Variants in PHACTR4 observed in about 807,000 individuals in gnomAD.
PHACTR4 encodes phosphatase and actin regulator 4, also known as protein phosphatase 1, regulatory subunit 124.
A neutral mutation model predicts 72.7 loss-of-function variants in PHACTR4; 51 were observed. The observed-to-expected ratio is 0.70, with a 90% confidence interval of 0.56 to 0.89. The LOEUF (loss-of-function observed/expected upper bound fraction) is 0.89, where lower values mean the gene tolerates loss of function less well. PHACTR4 is among the 40% of genes least tolerant of loss of function. PHACTR4 has a pLI of 0.00. For synonymous variants in PHACTR4, 255 were observed against 302.5 expected, an observed-to-expected ratio of 0.84 and a Z score of 1.63; for missense variants, 731 against 861.8, an observed-to-expected ratio of 0.85 and a Z score of 1.90.
chr1:28,462,421 A>G (rs1223270878), intron 4 of PHACTR4, among the ~76,000 whole-genome samples: 1 of 150,878 alleles, frequency 6.6e-6, no homozygotes, highest in East Asian at 2.0e-4. Context: ...TTTCACCTTC[A>G]GTCTCTTTTG....
intron 1 of PHACTR4, among the ~76,000 whole-genome samples, chr1:28,382,443 A>G (rs947376453): frequency 1.3e-5 from 2 of 151,806 alleles, no homozygotes; most frequent in African/African-American, 4.8e-5. Flanking sequence ...AGCTGGGACT[A>G]CAGGCGCATG....
intron 1 of PHACTR4, among the ~76,000 whole-genome samples, chr1:28,372,048 A>ATTTT (rs761764882): frequency 2.1e-4 from 29 of 137,312 alleles, no homozygotes; most frequent in Admixed American, 2.2e-4. Flanking sequence ...CTCCCGGCTA[A>ATTTT]TTTTTTTTTT....
intron 3 of PHACTR4, among the ~76,000 whole-genome samples, chr1:28,459,703 G>A (rs1441084795): frequency 6.6e-6 from 1 of 152,034 alleles, no homozygotes; most frequent in African/African-American, 2.4e-5. Flanking sequence ...TGGCTGGCCA[G>A]AGTTTAATCT....
chr1:28,427,248 G>A (rs1294676546), intron 2 of PHACTR4, among the ~76,000 whole-genome samples: 2 of 152,070 alleles, frequency 1.3e-5, no homozygotes, highest in Admixed American at 6.6e-5. Flanking sequence ...ATATTTGGCC[G>A]GACGCAGTGG....
chr1:28,491,539 C>T, intron 11 of PHACTR4, 111 bp from the exon 12 acceptor site: 1 of 1,431,112 alleles, frequency 7.0e-7, no homozygotes. Flanking sequence ...GTGTCTAAAG[C>T]TCCCCCAGGT....
chr1:28,456,873 C>T (rs554886461), intron 2 of PHACTR4, among the ~76,000 whole-genome samples: 39 of 151,630 alleles, frequency 2.6e-4, no homozygotes, highest in African/African-American at 8.5e-4. Flanking sequence ...GGCAACAGAA[C>T]GAAACCCTGT....
chr1:28,481,973 C>T (rs777094631), intron 9 of PHACTR4, among the ~76,000 whole-genome samples: 36 of 152,014 alleles, frequency 2.4e-4, no homozygotes, highest in Non-Finnish European at 4.3e-4. Flanking sequence ...TCTCGGCTTA[C>T]TGCAACCTCT....
intron 2 of PHACTR4, among the ~76,000 whole-genome samples, chr1:28,412,366 C>G (rs1654843697): frequency 6.6e-6 from 1 of 152,160 alleles, no homozygotes; most frequent in Non-Finnish European, 1.5e-5. Flanking sequence ...ACACAAATGC[C>G]TTTCCTGGAG....
chr1:28,376,797 C>T (rs1272699262), intron 1 of PHACTR4, among the ~76,000 whole-genome samples: 5 of 150,808 alleles, frequency 3.3e-5, no homozygotes, highest in South Asian at 2.1e-4. Context: ...CCACCACACC[C>T]GGCTAATTTT....
intron 2 of PHACTR4, among the ~76,000 whole-genome samples, chr1:28,429,808 T>C (rs897468068): frequency 6.6e-6 from 1 of 152,184 alleles, no homozygotes; most frequent in Non-Finnish European, 1.5e-5. Context: ...GCTGGTGTAC[T>C]TAATAACAGA....
At chr1:28,405,518 G>A (rs1003685951) in intron 1 of PHACTR4, among the ~76,000 whole-genome samples, 7 of 151,214 alleles carry the variant, frequency 4.6e-5, no homozygotes, top group African/African-American at 1.5e-4. Flanking sequence ...GTAGAGACAG[G>A]GTTTCACCAT....
chr1:28,383,834 G>A (rs935884717), intron 1 of PHACTR4, among the ~76,000 whole-genome samples: 1 of 152,026 alleles, frequency 6.6e-6, no homozygotes, highest in African/African-American at 2.4e-5. Context: ...CTATTTAGAT[G>A]CCCTTAAATA....
chr1:28,435,509 C>G (rs1656576329), intron 2 of PHACTR4, among the ~76,000 whole-genome samples: 1 of 152,216 alleles, frequency 6.6e-6, no homozygotes, highest in Admixed American at 6.5e-5. Flanking sequence ...AGGTGATCTG[C>G]CTGCCTTGGC....
rs1657974845 is a variant in PHACTR4, at chr1:28,451,544, C to A, written c.17-7541C>A. On this transcript the variant is annotated intron_variant, in intron 2 of 13. Transcript: ENST00000373839. ...GCCTCAGCCTCCTGAGTAACTAGGACAACAGGTGCGCATCACTGTGCCCTG... is the reference window on the plus strand; with the variant it reads ...GCCTCAGCCTCCTGAGTAACTAGGAAAACAGGTGCGCATCACTGTGCCCTG... Among the ~76,000 whole-genome samples, 4 of 152,146 alleles carry A rather than the reference C, an allele frequency of 2.6e-5. No individual in the cohort carries two copies. The South Asian group carries it at 8.3e-4, about 32-fold the overall frequency.
intron 2 of PHACTR4, among the ~76,000 whole-genome samples, chr1:28,452,989 C>A (rs926984969): frequency 1.3e-5 from 2 of 151,730 alleles, no homozygotes; most frequent in African/African-American, 4.8e-5. Flanking sequence ...TGTGGTTTTG[C>A]GTACCTGTAA....
At chr1:28,433,214 A>G (rs1330352363) in intron 2 of PHACTR4, among the ~76,000 whole-genome samples, 1 of 152,172 alleles carries the variant, frequency 6.6e-6, no homozygotes, top group Non-Finnish European at 1.5e-5. Flanking sequence ...AGTTAAAGTG[A>G]TTCTTCCTTT....
intron 2 of PHACTR4, among the ~76,000 whole-genome samples, chr1:28,444,214 CTTTTT>C (rs746642128): frequency 4.9e-5 from 2 of 41,106 alleles, no homozygotes; most frequent in Non-Finnish European, 9.8e-5. Flanking sequence ...ATATATTTGG[CTTTTT>C]TTTTTTTTTT....
In PHACTR4 at chr1:28,474,121, C is replaced by T; in HGVS notation, c.1391C>T (p.Ser464Phe). 2 of 1,613,302 alleles carry T rather than the reference C, an allele frequency of 1.2e-6. No individual in the cohort carries two copies. Among genetic ancestry groups the T allele is most frequent in the Non-Finnish European group, 1.7e-6 (2 of 1,179,614 alleles). Residue 464 changes from serine (S) to phenylalanine (F), a missense_variant, in exon 7 of 14, where the codon TCT becomes TTT. Around this residue, in one of 2 missense-constraint regions of PHACTR4, gnomAD observed 621 missense variants for 676.6 expected, o/e 0.92. Transcript: ENST00000373839. ...EDSSTLGRTR[S>F]LPITIEMLKV... is the part of the protein sequence containing the mutation. ...AGCAGTACGCTGGGTCGGACCAGGTCTCTTCCCATCACTATTGAAATGCTA... is the reference window on the plus strand; with the variant it reads ...AGCAGTACGCTGGGTCGGACCAGGTTTCTTCCCATCACTATTGAAATGCTA...
intron 1 of PHACTR4, among the ~76,000 whole-genome samples, chr1:28,383,211 G>T (rs1157220271): frequency 6.6e-6 from 1 of 152,032 alleles, no homozygotes; most frequent in Non-Finnish European, 1.5e-5. Context: ...TGTTCTATTG[G>T]TCTATGTGTC....
Sources: allele counts gnomAD v4.1 joint callset (sites outside exome capture counted in the v4.1 genomes callset), GRCh38; gene constraint gnomAD v4.1.1; regional missense constraint gnomAD v4.1.1; transcripts MANE v1.5; gene names NCBI Gene and HGNC (gene_info 2026-07-23, HGNC 2026-07-21).